Variants in SEMA5A observed in about 807,000 individuals in gnomAD.
SEMA5A encodes the protein semaphorin 5A, also known as semaphorin-5A.
SEMA5A carries 55 observed loss-of-function variants against 135.5 expected under a neutral mutation model. The ratio of observed to expected loss-of-function variants is 0.41; its 90% confidence interval spans 0.33 to 0.51. The LOEUF is 0.51. SEMA5A is among the 20% of genes least tolerant of loss of function. The probability of loss-of-function intolerance (pLI) is 0.37; values close to 1 mark genes in which losing one functional copy is unlikely to be tolerated. For missense variants in SEMA5A, 1,290 were observed against 1,419.9 expected (o/e 0.91, Z 1.47); for synonymous variants, 580 against 546.5 (o/e 1.06, Z -0.85).
At chr5:9,394,260 C>A (rs1756291670) in intron 2 of SEMA5A, among the ~76,000 whole-genome samples, 1 of 152,150 alleles carries the variant, frequency 6.6e-6, no homozygotes, top group African/African-American at 2.4e-5. Flanking sequence ...TCCCCCATGT[C>A]CATTTTAGAA....
At chr5:9,476,027 C>T (rs148990390) in intron 1 of SEMA5A, among the ~76,000 whole-genome samples, 26 of 152,310 alleles carry the variant, frequency 1.7e-4, no homozygotes, top group African/African-American at 5.8e-4. Context: ...TTAGGCTATA[C>T]ATGCTGTTTA....
chr5:9,129,784 G>C (rs1741309703), intron 13 of SEMA5A, among the ~76,000 whole-genome samples: 1 of 152,092 alleles, frequency 6.6e-6, no homozygotes, highest in Non-Finnish European at 1.5e-5. Flanking sequence ...CAGGCACTGT[G>C]CTTTACATGT....
At chr5:9,092,718 T>C (rs147848749) in intron 16 of SEMA5A, among the ~76,000 whole-genome samples, 29 of 152,322 alleles carry the variant, frequency 1.9e-4, no homozygotes, top group Non-Finnish European at 3.7e-4. Flanking sequence ...GAACACAAAA[T>C]GTGTTGCATT....
chr5:9,332,259 T>TACTC (rs1753175705), intron 4 of SEMA5A, among the ~76,000 whole-genome samples: 1 of 144,798 alleles, frequency 6.9e-6, no homozygotes, highest in African/African-American at 2.6e-5. Flanking sequence ...TATGGGCTGG[T>TACTC]ACATTGGGTC....
rs535922427 is a variant in SEMA5A at position 9,312,198 on chromosome 5, T to A, written c.270+6174A>T. On this transcript the variant is annotated intron_variant, in intron 5 of 22. Transcript: ENST00000382496. ...GTTCTTATAAAATAATCTCCATGAT[T>A]AAGGCAAGAAGAAAACTTATACTGA... is the stretch of plus-strand genomic sequence containing the variant. Among the ~76,000 whole-genome samples the A allele has an allele frequency of 3.2e-4, 49 of 152,210 alleles. No homozygotes were observed. In the South Asian group the frequency reaches 9.1e-3, roughly 28 times the overall value.
At chr5:9,224,529 T>C in intron 8 of SEMA5A, 145 bp downstream of exon 8, 1 of 701,548 alleles carries the variant, frequency 1.4e-6, no homozygotes. Flanking sequence ...CTGTTTATCA[T>C]TAGTCCTGAA....
At chr5:9,298,109 T>C (rs1241872910) in intron 5 of SEMA5A, among the ~76,000 whole-genome samples, 2 of 152,234 alleles carry the variant, frequency 1.3e-5, no homozygotes, top group East Asian at 3.9e-4. Flanking sequence ...TAACAAATAA[T>C]CTCATTTGGA....
chr5:9,293,563 A>G (rs546838813), intron 5 of SEMA5A, among the ~76,000 whole-genome samples: 6 of 152,340 alleles, frequency 3.9e-5, no homozygotes, highest in African/African-American at 1.4e-4. Flanking sequence ...AATAAATCTA[A>G]TACATGTTAT....
intron 16 of SEMA5A, among the ~76,000 whole-genome samples, chr5:9,074,406 A>G (rs1238099012): frequency 3.9e-5 from 6 of 152,300 alleles, no homozygotes; most frequent in Non-Finnish European, 5.9e-5. Context: ...AACACATGAG[A>G]ACACCTGTGG....
chr5:9,272,075 G>T (rs1750004853), intron 5 of SEMA5A, among the ~76,000 whole-genome samples: 1 of 152,074 alleles, frequency 6.6e-6, no homozygotes, highest in African/African-American at 2.4e-5. Flanking sequence ...GGCTTGGCAG[G>T]TTTCAACCCC....
intron 4 of SEMA5A, among the ~76,000 whole-genome samples, chr5:9,326,295 G>T (rs950460669): frequency 2.0e-5 from 3 of 152,136 alleles, no homozygotes; most frequent in Non-Finnish European, 2.9e-5. Context: ...CTGTTGCCCA[G>T]GCTGGATGTG....
In SEMA5A at chr5:9,545,067, G is replaced by A. The variant is rs1364422694; in HGVS notation, c.-175+517C>T. Among the ~76,000 whole-genome samples, 3 of 152,264 alleles carry A rather than the reference G, an allele frequency of 2.0e-5. No homozygotes were observed. The highest frequency in any genetic ancestry group is 4.1e-4 in the South Asian group (2 of 4,824). On this transcript the variant is annotated intron_variant, in intron 1 of 22. Transcript: ENST00000382496. The surrounding 1 kb of genome is among the most constrained non-coding windows in gnomAD (Gnocchi z 4.5). ...TCTTTCATTAACCAAGGCGCTTGGC[G>A]GAGTTGAGCCCAAGTCCCATTGCCT...
At chr5:9,221,487 A>G (rs1746977797) in intron 8 of SEMA5A, among the ~76,000 whole-genome samples, 1 of 151,716 alleles carries the variant, frequency 6.6e-6, no homozygotes, top group South Asian at 2.1e-4. Flanking sequence ...TATTTTTAGT[A>G]GAGACGGGGT....
chr5:9,435,106 T>A (rs1757985107), intron 2 of SEMA5A, among the ~76,000 whole-genome samples: 1 of 152,234 alleles, frequency 6.6e-6, no homozygotes, highest in African/African-American at 2.4e-5. Flanking sequence ...TTTCATCATT[T>A]AACTATGTCA....
At chr5:9,119,312 T>C (rs1254263886) in intron 14 of SEMA5A, among the ~76,000 whole-genome samples, 171 bp from the exon 15 acceptor site, 1 of 152,172 alleles carries the variant, frequency 6.6e-6, no homozygotes, top group African/African-American at 2.4e-5. Context: ...GAATCTCAAT[T>C]CCTGTGTCTG....
chr5:9,453,995 C>T (rs1266000937), intron 1 of SEMA5A, among the ~76,000 whole-genome samples: 1 of 152,218 alleles, frequency 6.6e-6, no homozygotes, highest in Non-Finnish European at 1.5e-5. Flanking sequence ...AAGCAAAGTA[C>T]TAGCCTTCTT....
intron 2 of SEMA5A, among the ~76,000 whole-genome samples, chr5:9,403,449 C>T (rs1756749723): frequency 6.6e-6 from 1 of 152,148 alleles, no homozygotes; most frequent in African/African-American, 2.4e-5. Context: ...TCTGTACTGC[C>T]CCTTGCTGGC....
chr5:9,086,032 G>A (rs377263847), intron 16 of SEMA5A, among the ~76,000 whole-genome samples: 1 of 152,172 alleles, frequency 6.6e-6, no homozygotes, highest in African/African-American at 2.4e-5. Context: ...AGGGCCTGTT[G>A]CCCCTTTGTT....
At chr5:9,049,652 C>T (rs1736459721) in intron 21 of SEMA5A, among the ~76,000 whole-genome samples, 1 of 152,192 alleles carries the variant, frequency 6.6e-6, no homozygotes, top group Non-Finnish European at 1.5e-5. Flanking sequence ...ATCAGTCACA[C>T]ATGTGGAAGT....
Sources: gnomAD v4.1 joint callset for allele counts (sites outside exome capture counted in the v4.1 genomes callset) on GRCh38, gnomAD v4.1.1 for gene constraint, Gnocchi (gnomAD v3.1) non-coding constraint, MANE v1.5 for transcripts, NCBI Gene and HGNC (gene_info 2026-07-23, HGNC 2026-07-21) for gene names.